CSMD1: variants seen among roughly 807,000 people sequenced by gnomAD.
The protein encoded by CSMD1 is CUB and Sushi multiple domains 1.
A neutral mutation model predicts 417.5 loss-of-function variants in CSMD1; 213 were observed. That is an observed-to-expected ratio of 0.51 (90% CI 0.46 to 0.57). The LOEUF is 0.57. Ranked by LOEUF, CSMD1 falls within the 20% of genes least tolerant of loss-of-function variation. The pLI, the probability that CSMD1 is intolerant of heterozygous loss-of-function variation, is 0.00. For synonymous variants in CSMD1, 2,862 were observed against 1,736.8 expected (o/e 1.65, Z -16.11); for missense variants, 6,923 against 4,529.7 (o/e 1.53, Z -15.17).
At chr8:3,462,002 G>C (rs1816535944) in intron 12 of CSMD1, among the ~76,000 whole-genome samples, 1 of 152,160 alleles carries the variant, frequency 6.6e-6, no homozygotes, top group African/African-American at 2.4e-5. Context: ...GTGTTCCTAG[G>C]AAACGAGGCC....
chr8:4,393,115 A>G (rs1004374486), intron 3 of CSMD1, among the ~76,000 whole-genome samples: 2 of 152,054 alleles, frequency 1.3e-5, no homozygotes, highest in Non-Finnish European at 2.9e-5. Context: ...AGCTGGGATT[A>G]CAGGCGTGTG....
At chr8:4,910,654 C>T (rs1287009378) in intron 1 of CSMD1, among the ~76,000 whole-genome samples, 1 of 152,190 alleles carries the variant, frequency 6.6e-6, no homozygotes, top group Non-Finnish European at 1.5e-5. Context: ...TAGATTTTAA[C>T]ATATTAATTT....
intron 5 of CSMD1, among the ~76,000 whole-genome samples, chr8:3,843,918 C>A (rs1385852078): frequency 6.6e-6 from 1 of 152,120 alleles, no homozygotes; most frequent in East Asian, 1.9e-4. Context: ...GCAGAACTTT[C>A]CATTGCATGC....
rs543227653 is a variant in CSMD1 at position 4,529,848 on chromosome 8, G to C, written c.302+107494C>G. 2.8e-4 allele frequency among the ~76,000 whole-genome samples: 42 copies of C among 150,024 alleles called. No individual in the cohort carries two copies. The South Asian group carries it at 8.5e-3, about 30-fold the overall frequency. On this transcript the variant is annotated intron_variant, in intron 2 of 69. Coordinates refer to ENST00000635120, the MANE Select transcript of CSMD1 (RefSeq NM_033225.6). ...AAAATTCGTGCATAGGTTACCGTCA[G>C]GTTGCTGCCCATGCTGCTGCCATTG...
chr8:2,960,676 G>C (rs1803377607), intron 62 of CSMD1, among the ~76,000 whole-genome samples: 2 of 152,038 alleles, frequency 1.3e-5, no homozygotes, highest in South Asian at 4.2e-4. Flanking sequence ...TCACAAGTAA[G>C]TTTAGACTAA....
chr8:4,270,883 T>G (rs372861279), intron 3 of CSMD1, among the ~76,000 whole-genome samples: 9 of 152,192 alleles, frequency 5.9e-5, no homozygotes, highest in African/African-American at 2.2e-4. Context: ...GAGGACCTCA[T>G]TCCTTCAACA....
intron 8 of CSMD1, among the ~76,000 whole-genome samples, chr8:3,601,676 T>C (rs2469350): frequency 0.45 from 67,773 of 152,098 alleles, 16,886 homozygotes; most frequent in Non-Finnish European, 0.57. Context: ...TGTGAAATCA[T>C]TGGTAATATG....
rs542915466 is a variant in CSMD1 at position 3,933,448 on chromosome 8, C to T, written c.818+64455G>A. Reference sequence around the variant, plus strand: ...GATAAAACATAGACTAAGCATTTCCCGCCTACATCTTCACTCCCACCCACT... The same window carrying T: ...GATAAAACATAGACTAAGCATTTCCTGCCTACATCTTCACTCCCACCCACT... On this transcript the variant is annotated intron_variant, in intron 5 of 69. Transcript: ENST00000635120. Among the ~76,000 whole-genome samples, 17 of 152,120 alleles carry T rather than the reference C, an allele frequency of 1.1e-4. No homozygotes were observed. In the East Asian group the frequency reaches 1.5e-3, roughly 14 times the overall value.
At chr8:3,288,924 C>T (rs951650490) in intron 25 of CSMD1, among the ~76,000 whole-genome samples, 3 of 146,868 alleles carry the variant, frequency 2.0e-5, no homozygotes, top group Admixed American at 1.3e-4. Flanking sequence ...GTGCTACACC[C>T]ATTAACTCAT....
chr8:4,073,936 G>C (rs1356585318), intron 3 of CSMD1, among the ~76,000 whole-genome samples: 1 of 152,010 alleles, frequency 6.6e-6, no homozygotes, highest in South Asian at 2.1e-4. Context: ...GACGGTTTTT[G>C]ACGGTTGCTT....
intron 12 of CSMD1, among the ~76,000 whole-genome samples, chr8:3,415,602 G>C (rs1003848007): frequency 2.0e-5 from 3 of 152,158 alleles, no homozygotes; most frequent in Non-Finnish European, 4.4e-5. Context: ...CAAGTGATCT[G>C]CCCTCCTCTA....
At chr8:4,502,385 G>A (rs1054861619) in intron 2 of CSMD1, among the ~76,000 whole-genome samples, 1 of 151,948 alleles carries the variant, frequency 6.6e-6, no homozygotes, top group African/African-American at 2.4e-5. Context: ...TATAATAATT[G>A]CTCAAAACAA....
Position 3,537,699 on chromosome 8 carries a change from A to G in CSMD1, c.1344+37246T>C, listed in dbSNP as rs574755594. 1.2e-3 allele frequency among the ~76,000 whole-genome samples: 176 copies of G among 152,202 alleles called. 1 individual carries two copies. Among genetic ancestry groups the G allele is most frequent in the Non-Finnish European group, 2.1e-3 (141 of 68,032 alleles). On this transcript the variant is annotated intron_variant, in intron 10 of 69. Transcript: ENST00000635120. Reference sequence around the variant, plus strand: ...TTTACAATACTTTGTATTTGCAAAAATCATATATCACTTCATACATTATCA... The same window carrying G: ...TTTACAATACTTTGTATTTGCAAAAGTCATATATCACTTCATACATTATCA...
At chr8:3,915,412 A>G (rs1808749826) in intron 5 of CSMD1, among the ~76,000 whole-genome samples, 1 of 146,060 alleles carries the variant, frequency 6.8e-6, no homozygotes, top group Non-Finnish European at 1.5e-5. Context: ...TCTCAAAAAA[A>G]AAAAAAAAAA....
chr8:4,777,845 C>T (rs180707797), intron 1 of CSMD1, among the ~76,000 whole-genome samples: 23 of 152,292 alleles, frequency 1.5e-4, no homozygotes, highest in African/African-American at 4.1e-4. Context: ...TCTCAACTAA[C>T]GGCAACTATG....
intron 5 of CSMD1, among the ~76,000 whole-genome samples, chr8:3,889,946 G>A (rs1806843394): frequency 6.6e-6 from 1 of 152,122 alleles, no homozygotes; most frequent in Non-Finnish European, 1.5e-5. Flanking sequence ...CGGTTGGATG[G>A]CTGAGGTGGG....
intron 7 of CSMD1, among the ~76,000 whole-genome samples, chr8:3,698,121 T>C (rs1306127621): frequency 6.6e-6 from 1 of 152,208 alleles, no homozygotes; most frequent in Non-Finnish European, 1.5e-5. Context: ...GTTTTGCTTC[T>C]AGTTCCCAGT....
At chr8:4,370,661 A>G (rs1802343486) in intron 3 of CSMD1, among the ~76,000 whole-genome samples, 1 of 152,122 alleles carries the variant, frequency 6.6e-6, no homozygotes, top group Admixed American at 6.6e-5. Context: ...TTGTATGCTC[A>G]CGTTGCTTCA....
chr8:3,652,087 C>T (rs1259166082), intron 7 of CSMD1, among the ~76,000 whole-genome samples: 1 of 148,996 alleles, frequency 6.7e-6, no homozygotes, highest in African/African-American at 2.5e-5. Context: ...CGCTTACCAC[C>T]ATCAGAGCAC....
Sources: allele counts gnomAD v4.1 joint callset (sites outside exome capture counted in the v4.1 genomes callset), GRCh38; gene constraint gnomAD v4.1.1; transcripts MANE v1.5; gene names NCBI Gene and HGNC (gene_info 2026-07-23, HGNC 2026-07-21).